The following ANKMY2 variants were observed in gnomAD, a reference collection of about 807,000 sequenced individuals.
The protein encoded by ANKMY2 is ankyrin repeat and MYND domain containing 2.
Under a neutral mutation model 50.4 loss-of-function variants are expected in ANKMY2, and 36 were observed. The ratio of observed to expected loss-of-function variants is 0.71; its 90% CI spans 0.55 to 0.94. The LOEUF is 0.94. Ranked by LOEUF, ANKMY2 falls within the 40% of genes least tolerant of loss-of-function variation. The probability of loss-of-function intolerance (pLI) is 0.00; values close to 1 mark genes in which losing one functional copy is unlikely to be tolerated. For synonymous variants in ANKMY2, 187 were observed against 178.8 expected (o/e 1.05, Z -0.36); for missense variants, 565 against 524.0 (o/e 1.08, Z -0.76).
intron 4 of ANKMY2, among the ~76,000 whole-genome samples, chr7:16,623,782 C>G (rs1161170045): frequency 1.3e-5 from 2 of 152,146 alleles, no homozygotes; most frequent in East Asian, 3.8e-4. Flanking sequence ...TTCTCCGAAG[C>G]TTACACAAGG....
chr7:16,620,232 T>C (rs971877695), intron 4 of ANKMY2, among the ~76,000 whole-genome samples: 1 of 152,058 alleles, frequency 6.6e-6, no homozygotes, highest in African/African-American at 2.4e-5. Context: ...AGTGAGTTCA[T>C]ATGAGTGGGT....
intron 1 of ANKMY2, 117 bp from the exon 2 acceptor site, chr7:16,636,572 A>AGGG (rs1338706274): frequency 1.6e-6 from 1 of 642,018 alleles, no homozygotes; most frequent in African/African-American, 1.9e-5. Flanking sequence ...TAGTCAGTGT[A>AGGG]GGTTGCTAAG....
At chr7:16,606,126 T>C (rs959860830) in intron 7 of ANKMY2, among the ~76,000 whole-genome samples, 5 of 152,062 alleles carry the variant, frequency 3.3e-5, no homozygotes, top group Non-Finnish European at 5.9e-5. Context: ...CTATAAACTT[T>C]TTTTACAAAG....
At chr7:16,614,340 GC>G (rs1386505724) in intron 5 of ANKMY2, among the ~76,000 whole-genome samples, 1 of 152,176 alleles carries the variant, frequency 6.6e-6, no homozygotes, top group Non-Finnish European at 1.5e-5. Context: ...AACTGAATTT[GC>G]CCACTTAGTA....
At position 16,607,665 on chromosome 7, in the gene ANKMY2, CTGCT is replaced by C. The variant is rs567617338; in HGVS notation, c.882+1961_882+1964del. ...ATAACTTGTTGACCACAATATTGAC[CTGCT>C]TTTTTTTTTTTTTTTTTTTTTTAAA... On this transcript the variant is annotated intron_variant, in intron 7 of 9. Coordinates refer to ENST00000306999, the MANE Select transcript of ANKMY2 (RefSeq NM_020319.3). 2.3e-3 allele frequency among the ~76,000 whole-genome samples: 282 copies of C among 120,056 alleles called. 7 individuals are homozygous for C. In the East Asian group the frequency reaches 0.062, roughly 26 times the overall value. 78.8% of individuals were successfully genotyped at this position (120,056 alleles called of 152,430 possible).
At chr7:16,635,999 A>C (rs1254399089) in intron 2 of ANKMY2, among the ~76,000 whole-genome samples, 1 of 152,156 alleles carries the variant, frequency 6.6e-6, no homozygotes, top group East Asian at 1.9e-4. Context: ...ATGCTAGAAA[A>C]AAAACTTGTA....
intron 2 of ANKMY2, 38 bp downstream of exon 2, chr7:16,636,353 A>T (rs754001773): frequency 2.4e-6 from 2 of 820,618 alleles, no homozygotes; most frequent in Non-Finnish European, 3.9e-6. Context: ...CTCTTCTTAT[A>T]GGAAGTAAAA....
At chr7:16,634,241 T>A (rs940669424) in intron 2 of ANKMY2, among the ~76,000 whole-genome samples, 1 of 151,880 alleles carries the variant, frequency 6.6e-6, no homozygotes, top group East Asian at 1.9e-4. Flanking sequence ...GAAACCAGAG[T>A]TATCTTCTTC....
chr7:16,616,283 T>C (rs1039032230), intron 4 of ANKMY2, among the ~76,000 whole-genome samples: 3 of 152,186 alleles, frequency 2.0e-5, no homozygotes, highest in Non-Finnish European at 4.4e-5. Context: ...CATCCAGTTG[T>C]ATTTACACAA....
At chr7:16,610,468 G>C in intron 6 of ANKMY2, 81 bp downstream of exon 6, 1 of 1,192,912 alleles carries the variant, frequency 8.4e-7, no homozygotes, top group Non-Finnish European at 1.2e-6. Context: ...GTTTAATTTT[G>C]AAACACATAA....
At chr7:16,641,435 G>C (rs77302726) in intron 1 of ANKMY2, among the ~76,000 whole-genome samples, 21 of 152,132 alleles carry the variant, frequency 1.4e-4, no homozygotes, top group Non-Finnish European at 2.6e-4. Flanking sequence ...CTGTGAAAAT[G>C]AAGACAATGA....
chr7:16,626,349 G>A (rs925467443), intron 3 of ANKMY2, among the ~76,000 whole-genome samples: 1 of 151,916 alleles, frequency 6.6e-6, no homozygotes, highest in South Asian at 2.1e-4. Flanking sequence ...TTTTTCATTT[G>A]TATTTTAACT....
intron 4 of ANKMY2, among the ~76,000 whole-genome samples, chr7:16,623,786 C>A (rs192695238): frequency 6.6e-6 from 1 of 152,272 alleles, no homozygotes; most frequent in Admixed American, 6.5e-5. Context: ...CCGAAGCTTA[C>A]ACAAGGCCAT....
At chr7:16,602,298 G>C in intron 9 of ANKMY2, 82 bp downstream of exon 9, 3 of 1,504,046 alleles carry the variant, frequency 2.0e-6, no homozygotes, top group Non-Finnish European at 2.7e-6. Context: ...TTCCAGAGAA[G>C]ACGCAGTTTC....
chr7:16,602,533 T>A lies in ANKMY2; in HGVS notation c.1012-24A>T, dbSNP rs201167315. On this transcript the variant is annotated intron_variant, in intron 8 of 9. Coordinates refer to ENST00000306999, the MANE Select transcript of ANKMY2 (RefSeq NM_020319.3). The stretch of plus-strand genomic sequence containing the variant: ...ACCTGAAAGCAATTGTTGGTTTATT[T>A]TCATTTCCAGAGCTTGGGTTGTATG... The A allele has an allele frequency of 2.8e-4, 456 of 1,604,522 alleles. 1 individual carries two copies. The highest frequency in any genetic ancestry group is 2.6e-4 in the Admixed American group (15 of 58,300).
intron 2 of ANKMY2, among the ~76,000 whole-genome samples, chr7:16,635,333 C>T (rs1445634190): frequency 6.6e-6 from 1 of 151,938 alleles, no homozygotes; most frequent in Non-Finnish European, 1.5e-5. Flanking sequence ...CAAATTAATG[C>T]TTTTTGCAGG....
intron 2 of ANKMY2, among the ~76,000 whole-genome samples, chr7:16,627,898 ATGGT>A (rs1388360663): frequency 4.6e-5 from 6 of 129,736 alleles, no homozygotes; most frequent in Admixed American, 7.7e-5. Context: ...ATATAGAGAA[ATGGT>A]TGGTAGTATT....
Position 16,610,569 on chromosome 7 carries a change from T to C in ANKMY2, c.726A>G (p.Lys242=). Residue 242 remains lysine, a synonymous_variant, in exon 6 of 10, where the codon AAA becomes AAG. Coordinates refer to ENST00000306999, the MANE Select transcript of ANKMY2 (RefSeq NM_020319.3). ...AGTACCTTTTGATCAAGGTGTCCAG[T>C]TTATTCTCTCCATCTTTTAAGAAGT... The part of the protein sequence containing the change: ...CINFLKDGEN[K]LDTLIKSLLK... 1.9e-6 allele frequency: 3 copies of C among 1,613,342 alleles called. No homozygotes were observed. Among genetic ancestry groups the C allele is most frequent in the Non-Finnish European group, 2.5e-6 (3 of 1,179,512 alleles).
intron 1 of ANKMY2, among the ~76,000 whole-genome samples, chr7:16,645,174 C>G (rs913293360): frequency 2.0e-5 from 3 of 152,134 alleles, no homozygotes; most frequent in Non-Finnish European, 4.4e-5. Flanking sequence ...CAAAATCCCT[C>G]GGGAGCAGTG....
Sources: gnomAD v4.1 joint callset for allele counts (sites outside exome capture counted in the v4.1 genomes callset) on GRCh38, gnomAD v4.1.1 for gene constraint, MANE v1.5 for transcripts, NCBI Gene and HGNC (gene_info 2026-07-23, HGNC 2026-07-21) for gene names.